CACNA2D2: variants seen among roughly 807,000 people sequenced by gnomAD.
CACNA2D2 encodes the protein voltage-dependent calcium channel subunit alpha-2/delta-2.
In CACNA2D2, 48 loss-of-function variants were observed where a neutral mutation model predicts 166.4. The ratio of observed to expected loss-of-function variants is 0.29; its 90% confidence interval spans 0.23 to 0.37. CACNA2D2 has a LOEUF of 0.37. Ranked by LOEUF, CACNA2D2 falls within the 10% of genes least tolerant of loss-of-function variation. The pLI, the probability that CACNA2D2 is intolerant of heterozygous loss-of-function variation, is 1.00. For missense variants in CACNA2D2, 1,122 were observed against 1,433.0 expected, an observed-to-expected ratio of 0.78 and a Z score of 3.50; for synonymous variants, 561 against 573.7, an observed-to-expected ratio of 0.98 and a Z score of 0.32.
chr3:50,391,574 G>C (rs1705895860), intron 4 of CACNA2D2, among the ~76,000 whole-genome samples: 1 of 152,232 alleles, frequency 6.6e-6, no homozygotes, highest in Non-Finnish European at 1.5e-5. Context: ...CAGGGACGAG[G>C]AAGGGGGATA....
intron 3 of CACNA2D2, among the ~76,000 whole-genome samples, chr3:50,421,416 C>G (rs1707556891): frequency 6.6e-6 from 1 of 152,130 alleles, no homozygotes; most frequent in Non-Finnish European, 1.5e-5. Flanking sequence ...GCCCCCCTCA[C>G]CCAGGCCACA....
In CACNA2D2 at chr3:50,434,449, AG is replaced by A. The variant is rs746502836; in HGVS notation, c.289-21del. ...GTAAATCTGGAAGGAAGCAGAAGCC[AG>A]GGGTGAGACCAGGTGGTCCCACGTC... On this transcript the variant is annotated intron_variant, in intron 2 of 37. Coordinates refer to ENST00000424201, the MANE Select transcript of CACNA2D2 (RefSeq NM_006030.4). The A allele has an allele frequency of 7.6e-5, 121 of 1,591,608 alleles. No homozygotes were observed. In the African/African-American group the frequency reaches 1.2e-3, roughly 16 times the overall value.
At position 50,377,834 on chromosome 3, in the gene CACNA2D2, T is replaced by C. The variant is rs1237311875; in HGVS notation, c.1480-31A>G. The stretch of plus-strand genomic sequence containing the variant: ...GGGAGAGGAAGATGATGGAGTCACC[T>C]GTGGCCAGCACTGACCCCACCCTGA... On this transcript the variant is annotated intron_variant, in intron 15 of 37. Coordinates refer to ENST00000424201, the MANE Select transcript of CACNA2D2 (RefSeq NM_006030.4). 1.1e-5 allele frequency: 18 copies of C among 1,594,200 alleles called. 1 individual carries two copies. The highest frequency in any genetic ancestry group is 4.5e-5 in the South Asian group (4 of 89,320).
chr3:50,377,912 T>G, intron 15 of CACNA2D2, 96 bp downstream of exon 15: 1 of 1,501,568 alleles, frequency 6.7e-7, no homozygotes, highest in Non-Finnish European at 9.2e-7. Flanking sequence ...TGTGCTTGGT[T>G]TACCCCATAA....
chr3:50,489,956 A>G (rs1207233375), intron 1 of CACNA2D2, among the ~76,000 whole-genome samples: 1 of 152,186 alleles, frequency 6.6e-6, no homozygotes, highest in African/African-American at 2.4e-5. Flanking sequence ...TCCCAAGAGC[A>G]GGGACCCAGT....
intron 3 of CACNA2D2, among the ~76,000 whole-genome samples, chr3:50,412,715 G>A (rs1381052857): frequency 2.0e-5 from 3 of 152,220 alleles, no homozygotes; most frequent in African/African-American, 7.2e-5. Context: ...TTTGAAATAA[G>A]GATGCAATAT....
At position 50,365,552 on chromosome 3, in the gene CACNA2D2, A is replaced by G. The variant is rs587669753; in HGVS notation, c.2972-70T>C. The G allele has an allele frequency of 5.5e-5, 87 of 1,593,356 alleles. 2 individuals are homozygous for G. The South Asian group carries it at 8.7e-4, about 16-fold the overall frequency. Reference sequence around the variant, plus strand: ...AAGGTCTCCGGCCTCCCTCAGTCGTAGACCCCACCCTCCCCATGGAGTCGT... The same window carrying G: ...AAGGTCTCCGGCCTCCCTCAGTCGTGGACCCCACCCTCCCCATGGAGTCGT... On this transcript the variant is annotated intron_variant, in intron 34 of 37. Coordinates refer to ENST00000424201, the MANE Select transcript of CACNA2D2 (RefSeq NM_006030.4). This position sits in a 1 kb window ranked among gnomAD's most constrained non-coding sequence, Gnocchi z 4.5.
rs1269487534 is a variant in CACNA2D2 at position 50,433,019 on chromosome 3, T to C, written c.405+1294A>G. On this transcript the variant is annotated intron_variant, in intron 3 of 37. Coordinates refer to ENST00000424201, the MANE Select transcript of CACNA2D2 (RefSeq NM_006030.4). ...AACTGCTTTATTGAGATACAATTTA[T>C]ACACCAGCAAATCCACCCAAATAAA... Among the ~76,000 whole-genome samples the C allele has an allele frequency of 3.3e-5, 5 of 152,274 alleles. No homozygotes were observed. In the East Asian group the frequency reaches 5.8e-4, roughly 18 times the overall value.
chr3:50,417,516 C>T (rs1707321307), intron 3 of CACNA2D2, among the ~76,000 whole-genome samples: 1 of 152,200 alleles, frequency 6.6e-6, no homozygotes, highest in African/African-American at 2.4e-5. Context: ...GCCTACACTG[C>T]ACCTTTCCCC....
intron 6 of CACNA2D2, among the ~76,000 whole-genome samples, chr3:50,382,729 A>G (rs187691848): frequency 3.0e-4 from 45 of 152,208 alleles, no homozygotes; most frequent in African/African-American, 1.0e-3. Context: ...GCCCTGAGAG[A>G]GTCTGCCTGG....
chr3:50,478,075 A>G (rs1697874245), intron 1 of CACNA2D2, among the ~76,000 whole-genome samples: 1 of 152,122 alleles, frequency 6.6e-6, no homozygotes, highest in East Asian at 1.9e-4. Context: ...CAACATCAAA[A>G]GAAAGAGGTA....
intron 2 of CACNA2D2, among the ~76,000 whole-genome samples, chr3:50,443,552 T>C (rs1199567034): frequency 6.6e-6 from 1 of 152,238 alleles, no homozygotes; most frequent in African/African-American, 2.4e-5. Context: ...CTCAGTTCTC[T>C]GGCCCGCAGA....
chr3:50,366,495 G>T lies in CACNA2D2; in HGVS notation c.2637+83C>A, dbSNP rs1704299396. The T allele has an allele frequency of 1.3e-6, 2 of 1,519,206 alleles. No homozygotes were observed. The highest frequency in any genetic ancestry group is 1.4e-5 in the African/African-American group (1 of 72,998). The allele number at this position is 1,519,206 out of a possible 1,614,324, so 94.1% of individuals were successfully genotyped here. A position where few individuals can be genotyped will look rare whatever the true frequency, so the allele number is the denominator to read the frequency against. ...GGATGTTGAGACCCACAGGCCAAGGGATGTGCTGGGAGTCGCGGCTGGGAC... is the reference window on the plus strand; with the variant it reads ...GGATGTTGAGACCCACAGGCCAAGGTATGTGCTGGGAGTCGCGGCTGGGAC... On this transcript the variant is annotated intron_variant, in intron 30 of 37. Transcript: ENST00000424201. This position sits in a 1 kb window ranked among gnomAD's most constrained non-coding sequence, Gnocchi z 5.9.
intron 1 of CACNA2D2, among the ~76,000 whole-genome samples, chr3:50,491,311 G>A (rs983015658): frequency 5.3e-5 from 8 of 152,222 alleles, no homozygotes; most frequent in African/African-American, 1.2e-4. Context: ...ACTGAGGCTC[G>A]GAGGAGGACG....
intron 1 of CACNA2D2, among the ~76,000 whole-genome samples, chr3:50,488,909 C>T (rs1281523218): frequency 6.6e-6 from 1 of 152,042 alleles, no homozygotes; most frequent in Admixed American, 6.6e-5. Context: ...ACCCTGTTTG[C>T]CAGGATGGTC....
At chr3:50,382,530 G>C (rs1705372606) in intron 6 of CACNA2D2, among the ~76,000 whole-genome samples, 1 of 152,206 alleles carries the variant, frequency 6.6e-6, no homozygotes, top group Non-Finnish European at 1.5e-5. Flanking sequence ...TTCGCTGTCT[G>C]TTCCTGTGGC....
intron 3 of CACNA2D2, among the ~76,000 whole-genome samples, chr3:50,418,305 C>T (rs751681347): frequency 2.3e-4 from 35 of 152,186 alleles, no homozygotes; most frequent in Admixed American, 3.3e-4. Flanking sequence ...TGTCCAATGC[C>T]AGGGTTGAAA....
intron 3 of CACNA2D2, among the ~76,000 whole-genome samples, chr3:50,407,886 G>A (rs937633143): frequency 6.6e-6 from 1 of 152,242 alleles, no homozygotes; most frequent in Non-Finnish European, 1.5e-5. Flanking sequence ...GGGCAAAGAT[G>A]TGGGGGTAGG....
rs779423998 is a variant in CACNA2D2 at position 50,387,600 on chromosome 3, C to T, written c.478G>A (p.Val160Met). ...GCGTCAGCCTTGGCGTCATAGTACA[C>T]GATGTCTTCCTCCTGGTGAGGGGAG... ...WQDNIKEEDIVYYDAKADAEL... is the reference protein window; with the variant it reads ...WQDNIKEEDIMYYDAKADAEL... The change falls in exon 5 of 38, where the codon GTG becomes ATG. Residue 160 changes from valine to methionine, a missense_variant. Coordinates refer to ENST00000424201, the MANE Select transcript of CACNA2D2 (RefSeq NM_006030.4). The T allele has an allele frequency of 5.0e-5, 81 of 1,613,316 alleles. No homozygotes were observed. Among genetic ancestry groups the T allele is most frequent in the South Asian group, 2.0e-4 (18 of 91,050 alleles).
Sources: allele counts gnomAD v4.1 joint callset (sites outside exome capture counted in the v4.1 genomes callset), GRCh38; gene constraint gnomAD v4.1.1; non-coding constraint Gnocchi (gnomAD v3.1); transcripts MANE v1.5; gene names NCBI Gene and HGNC (gene_info 2026-07-23, HGNC 2026-07-21).